TBC1D4: variants seen among roughly 807,000 people sequenced by gnomAD.
TBC1D4 encodes TBC (Tre-2, BUB2, CDC16) domain-containing protein.
Under a neutral mutation model 142.5 loss-of-function variants are expected in TBC1D4, and 121 were observed. That is an observed-to-expected ratio of 0.85 (90% confidence interval 0.73 to 0.99). TBC1D4 has a LOEUF of 0.99. TBC1D4 is among the 50% of genes least tolerant of loss of function. The pLI is 0.00. For missense variants in TBC1D4, 1,475 were observed against 1,606.6 expected (o/e 0.92, Z 1.40); for synonymous variants, 630 against 628.2 (o/e 1.00, Z -0.04).
intron 1 of TBC1D4, among the ~76,000 whole-genome samples, chr13:75,384,041 G>A (rs1884021006): frequency 1.3e-5 from 2 of 152,050 alleles, no homozygotes; most frequent in South Asian, 4.1e-4. Flanking sequence ...GAGTTAATGA[G>A]TGCAGCACAC....
At chr13:75,304,747 A>G (rs755807783) in intron 15 of TBC1D4, among the ~76,000 whole-genome samples, 2 of 152,090 alleles carry the variant, frequency 1.3e-5, no homozygotes, top group Non-Finnish European at 2.9e-5. Context: ...GAGGAGTGAG[A>G]AGAGGATGGA....
chr13:75,411,688 T>A (rs1035728003), intron 1 of TBC1D4, among the ~76,000 whole-genome samples: 6 of 151,544 alleles, frequency 4.0e-5, no homozygotes, highest in African/African-American at 1.5e-4. Flanking sequence ...CATATCTGGC[T>A]AATTTTTTAT....
At chr13:75,302,017 G>C (rs1204794827) in intron 16 of TBC1D4, among the ~76,000 whole-genome samples, 1 of 152,126 alleles carries the variant, frequency 6.6e-6, no homozygotes, top group African/African-American at 2.4e-5. Context: ...GGCTCCCTTT[G>C]CAGAGGCAAA....
intron 1 of TBC1D4, among the ~76,000 whole-genome samples, chr13:75,427,985 T>TAG (rs1566483459): frequency 2.0e-5 from 3 of 152,182 alleles, no homozygotes. Context: ...AAGAAAGGAA[T>TAG]AGACTATAAT....
chr13:75,304,274 C>T (rs1464607853), intron 15 of TBC1D4, among the ~76,000 whole-genome samples: 2 of 152,132 alleles, frequency 1.3e-5, no homozygotes, highest in African/African-American at 4.8e-5. Flanking sequence ...AATAAATGTA[C>T]AAAAAGCAAC....
At position 75,379,592 on chromosome 13, in the gene TBC1D4, G is replaced by T. The variant is rs149292139; in HGVS notation, c.499-16985C>A. Among the ~76,000 whole-genome samples, 35 of 152,130 alleles carry T rather than the reference G, an allele frequency of 2.3e-4. No individual in the cohort carries two copies. The East Asian group carries it at 3.1e-3, about 13-fold the overall frequency. ...ATGGAATCTCATAAACCAAAATGTC[G>T]ATTTGACTTACATCTATTACAAACA... On this transcript the variant is annotated intron_variant, in intron 1 of 20. Transcript: ENST00000377636.
At position 75,313,003 on chromosome 13, in the gene TBC1D4, G is replaced by A. The variant is rs946531127; in HGVS notation, c.2223-105C>T. 4 of 1,294,748 alleles carry A rather than the reference G, an allele frequency of 3.1e-6. No homozygotes were observed. The African/African-American group carries it at 4.4e-5, about 14-fold the overall frequency. 80.2% of individuals were successfully genotyped at this position (1,294,748 alleles called of 1,614,324 possible). A position where few individuals can be genotyped will look rare whatever the true frequency, so the allele number is the denominator to read the frequency against. On this transcript the variant is annotated intron_variant, in intron 12 of 20. Transcript: ENST00000377636. ...CATTCACAAGTTCTGTCACGGGCAA[G>A]CACAAGCCACAGGCAACATGGAGCA...
intron 1 of TBC1D4, among the ~76,000 whole-genome samples, chr13:75,435,252 C>A (rs1347616347): frequency 6.6e-6 from 1 of 150,642 alleles, no homozygotes; most frequent in African/African-American, 2.4e-5. Flanking sequence ...AAAAAATATC[C>A]CAGGAATCGC....
intron 1 of TBC1D4, among the ~76,000 whole-genome samples, chr13:75,386,864 T>G (rs946883820): frequency 2.6e-5 from 4 of 152,186 alleles, no homozygotes; most frequent in African/African-American, 9.6e-5. Flanking sequence ...CAAAAAGTTT[T>G]GTGATCTCCT....
intron 1 of TBC1D4, among the ~76,000 whole-genome samples, chr13:75,436,282 C>T (rs11148991): frequency 0.024 from 3,625 of 152,094 alleles, 147 homozygotes; most frequent in African/African-American, 0.081. Flanking sequence ...TACCCAGTCT[C>T]GGGTATTTCT....
intron 1 of TBC1D4, among the ~76,000 whole-genome samples, chr13:75,426,315 G>GA (rs1886368579): frequency 3.3e-5 from 5 of 152,196 alleles, no homozygotes; most frequent in Middle Eastern, 3.4e-3. Context: ...GTAGAAAAGG[G>GA]AAAAAATCCT....
At chr13:75,361,688 T>C (rs75295748) in intron 2 of TBC1D4, among the ~76,000 whole-genome samples, 5,221 of 152,248 alleles carry the variant, frequency 0.034, 304 homozygotes, top group African/African-American at 0.12. Context: ...CCTACAATTT[T>C]TTTTTAAGCA....
chr13:75,458,124 C>A (rs1162207748), intron 1 of TBC1D4, among the ~76,000 whole-genome samples: 2 of 151,968 alleles, frequency 1.3e-5, no homozygotes, highest in Admixed American at 1.3e-4. Flanking sequence ...TGTCTGGCAT[C>A]CAGGAGGAAT....
intron 1 of TBC1D4, among the ~76,000 whole-genome samples, chr13:75,372,236 T>C (rs558774264): frequency 6.6e-6 from 1 of 151,734 alleles, no homozygotes; most frequent in African/African-American, 2.4e-5. Flanking sequence ...AACCAGATGC[T>C]CTTTATTTAT....
chr13:75,352,620 A>G (rs1479548002), intron 4 of TBC1D4, among the ~76,000 whole-genome samples: 2 of 151,318 alleles, frequency 1.3e-5, no homozygotes, highest in Non-Finnish European at 2.9e-5. Flanking sequence ...AAGAAAGAAA[A>G]GAGAGGGAGA....
intron 10 of TBC1D4, among the ~76,000 whole-genome samples, chr13:75,325,309 T>A (rs889905951): frequency 1.5e-4 from 23 of 152,154 alleles, no homozygotes; most frequent in Non-Finnish European, 2.8e-4. Flanking sequence ...TTTCGAGTCA[T>A]TCAGAAAACA....
At chr13:75,393,153 A>G (rs1457715869) in intron 1 of TBC1D4, among the ~76,000 whole-genome samples, 3 of 133,890 alleles carry the variant, frequency 2.2e-5, no homozygotes, top group Middle Eastern at 3.6e-3. Context: ...ACACACACAC[A>G]CACTCAGTCT....
At chr13:75,410,037 T>C (rs759885442) in intron 1 of TBC1D4, among the ~76,000 whole-genome samples, 2 of 152,314 alleles carry the variant, frequency 1.3e-5, no homozygotes, top group African/African-American at 2.4e-5. Flanking sequence ...CCACTTACCT[T>C]AAAACTCAGT....
chr13:75,410,966 A>T (rs1885629635), intron 1 of TBC1D4, among the ~76,000 whole-genome samples: 1 of 135,080 alleles, frequency 7.4e-6, no homozygotes, highest in Admixed American at 7.8e-5. Flanking sequence ...AAAAAAAAAA[A>T]TTCTAAGTGC....
Sources: gnomAD v4.1 joint callset for allele counts (sites outside exome capture counted in the v4.1 genomes callset) on GRCh38, gnomAD v4.1.1 for gene constraint, MANE v1.5 for transcripts, NCBI Gene and HGNC (gene_info 2026-07-23, HGNC 2026-07-21) for gene names.